RAPGEF5: variants seen among roughly 807,000 people sequenced by gnomAD.
The protein encoded by RAPGEF5 is Rap guanine nucleotide exchange factor 5, also known as M-Ras-regulated GEF.
In RAPGEF5, 65 loss-of-function variants were observed where a neutral mutation model predicts 125.2. The ratio of observed to expected loss-of-function variants is 0.52; its 90% CI spans 0.43 to 0.64. The LOEUF (loss-of-function observed/expected upper bound fraction) is 0.64. Among genes scored for constraint, RAPGEF5 ranks in the 30% least tolerant of loss-of-function variants. RAPGEF5 has a pLI of 0.00. For synonymous variants in RAPGEF5, 391 were observed against 385.9 expected (o/e 1.01, Z -0.16); for missense variants, 958 against 1,048.1 (o/e 0.91, Z 1.19).
At chr7:22,237,039 C>T (rs143810393) in intron 7 of RAPGEF5, among the ~76,000 whole-genome samples, 6 of 152,000 alleles carry the variant, frequency 3.9e-5, no homozygotes, top group Non-Finnish European at 7.4e-5. Flanking sequence ...TTGTCTCTAA[C>T]CTGGAATGCC....
rs184423834 is a variant in RAPGEF5 at position 22,214,676 on chromosome 7, G to A, written c.996+5190C>T. Among the ~76,000 whole-genome samples the A allele has an allele frequency of 3.3e-3, 501 of 152,078 alleles. 1 individual carries two copies. The highest frequency in any genetic ancestry group is 4.2e-3 in the Non-Finnish European group (285 of 67,994). ...CTGGGCAAGCACCTTTTCTTTTTCT[G>A]CATTCCCGCCCCCCAACCCCCATCC... On this transcript the variant is annotated intron_variant, in intron 9 of 25. Transcript: ENST00000665637.
At chr7:22,137,706 G>T (rs1199638570) in intron 21 of RAPGEF5, among the ~76,000 whole-genome samples, 1 of 152,170 alleles carries the variant, frequency 6.6e-6, no homozygotes, top group Admixed American at 6.5e-5. Context: ...TTCTAGCTAT[G>T]TGGTTTGGTG....
At position 22,118,971 on chromosome 7, in the gene RAPGEF5, T is replaced by C. The variant is rs1175169831; in HGVS notation, c.*3435A>G. 3 of 150,408 alleles carry C rather than the reference T, an allele frequency of 2.0e-5. No homozygotes were observed. The highest frequency in any genetic ancestry group is 7.4e-5 in the African/African-American group (3 of 40,800). 9.3% of individuals were successfully genotyped at this position (150,408 alleles called of 1,614,324 possible). ...AGGCTGAAATTTTAAGGACATGTTT[T>C]TGAAACATTTAAAAGAAATCCTGTG... is the stretch of plus-strand genomic sequence containing the variant. On this transcript the variant is annotated 3_prime_UTR_variant, in exon 26 of 26. Coordinates refer to ENST00000665637, the MANE Select transcript of RAPGEF5 (RefSeq NM_012294.5).
At chr7:22,279,251 A>C (rs994845921) in intron 6 of RAPGEF5, among the ~76,000 whole-genome samples, 13 of 152,186 alleles carry the variant, frequency 8.5e-5, no homozygotes, top group African/African-American at 3.1e-4. Flanking sequence ...TTTTAAGTAG[A>C]TTAAGTGTTA....
Position 22,150,647 on chromosome 7 carries a change from GT to G in RAPGEF5, c.1787-144del, listed in dbSNP as rs1454474356. On this transcript the variant is annotated intron_variant, in intron 17 of 25. Coordinates refer to ENST00000665637, the MANE Select transcript of RAPGEF5 (RefSeq NM_012294.5). Reference sequence around the variant, plus strand: ...ATAGAACTTAAAGTGGATTAATTAAGTTCTGCACACTCTATACAATGATACC... The same window carrying G: ...ATAGAACTTAAAGTGGATTAATTAAGTCTGCACACTCTATACAATGATACC... The G allele has an allele frequency of 2.0e-5, 24 of 1,199,150 alleles. No individual in the cohort carries two copies. The African/African-American group carries it at 3.4e-4, about 17-fold the overall frequency. 74.3% of individuals were successfully genotyped at this position (1,199,150 alleles called of 1,614,324 possible). A position where few individuals can be genotyped will look rare whatever the true frequency, so the allele number is the denominator to read the frequency against.
At chr7:22,166,791 C>T (rs2128114710) in intron 12 of RAPGEF5, among the ~76,000 whole-genome samples, 1 of 152,290 alleles carries the variant, frequency 6.6e-6, no homozygotes, top group South Asian at 2.1e-4. Context: ...CCAATTTTGC[C>T]TCCAGATTTC....
chr7:22,298,846 T>C (rs1322099285), intron 5 of RAPGEF5: 1 of 152,242 alleles, frequency 6.6e-6, no homozygotes, highest in Middle Eastern at 3.2e-3. Flanking sequence ...TTAATGTCTT[T>C]CAAAGAATGT....
chr7:22,173,044 A>C (rs1266021297), intron 11 of RAPGEF5, among the ~76,000 whole-genome samples: 4 of 152,206 alleles, frequency 2.6e-5, no homozygotes, highest in Non-Finnish European at 5.9e-5. Flanking sequence ...CTGTATTTCT[A>C]CTTCAGATGT....
intron 1 of RAPGEF5, among the ~76,000 whole-genome samples, chr7:22,354,099 C>A (rs929084156): frequency 3.3e-5 from 5 of 151,848 alleles, no homozygotes; most frequent in South Asian, 2.1e-4. Context: ...ACAACAACAA[C>A]AAAAAAAGCC....
At chr7:22,243,229 G>A (rs1474177279) in intron 7 of RAPGEF5, among the ~76,000 whole-genome samples, 2 of 152,050 alleles carry the variant, frequency 1.3e-5, no homozygotes, top group African/African-American at 4.8e-5. Flanking sequence ...AAATATATTT[G>A]GGGATAAAAA....
In RAPGEF5 at chr7:22,294,714, A is replaced by G. The variant is rs923242359; in HGVS notation, c.681-3473T>C. Among the ~76,000 whole-genome samples, 5 of 152,094 alleles carry G rather than the reference A, an allele frequency of 3.3e-5. No individual in the cohort carries two copies. The East Asian group carries it at 5.8e-4, about 18-fold the overall frequency. ...TGAAATCCTACTGGCTCTTCAAGACATATCTCTCACCTGACCACGTCTCAC... is the reference window on the plus strand; with the variant it reads ...TGAAATCCTACTGGCTCTTCAAGACGTATCTCTCACCTGACCACGTCTCAC... On this transcript the variant is annotated intron_variant, in intron 5 of 25. Transcript: ENST00000665637.
intron 11 of RAPGEF5, among the ~76,000 whole-genome samples, chr7:22,190,136 C>T (rs947393099): frequency 4.6e-5 from 7 of 152,204 alleles, no homozygotes; most frequent in Middle Eastern, 3.4e-3. Flanking sequence ...AAAAATTAGC[C>T]GGGCGTGGTG....
intron 1 of RAPGEF5, among the ~76,000 whole-genome samples, chr7:22,320,550 G>A (rs561462739): frequency 2.0e-5 from 3 of 152,140 alleles, no homozygotes; most frequent in African/African-American, 4.8e-5. Flanking sequence ...CAAGAGTACC[G>A]CAAAAGCACC....
rs1332933371 is a variant in RAPGEF5 at position 22,305,243 on chromosome 7, T to C, written c.680+3096A>G. 3.7e-4 allele frequency among the ~76,000 whole-genome samples: 56 copies of C among 152,184 alleles called. 3 individuals carry two copies. Among genetic ancestry groups the C allele is most frequent in the Admixed American group, 3.7e-3 (56 of 15,262 alleles). ...TTATAACATTCTTCTGAAAGTAAAA[T>C]AATGAATATAAAGCATTCAGCACAG... On this transcript the variant is annotated intron_variant, in intron 5 of 25. Transcript: ENST00000665637.
chr7:22,186,553 A>G (rs960054080), intron 11 of RAPGEF5, among the ~76,000 whole-genome samples: 4 of 152,206 alleles, frequency 2.6e-5, no homozygotes, highest in African/African-American at 7.2e-5. Flanking sequence ...ATTCCCTCCA[A>G]TAGAATATAA....
intron 7 of RAPGEF5, among the ~76,000 whole-genome samples, chr7:22,233,264 C>T (rs1384486859): frequency 6.6e-6 from 1 of 152,128 alleles, no homozygotes; most frequent in Admixed American, 6.5e-5. Context: ...TCTTGGAGGG[C>T]AAGCTGATCA....
intron 7 of RAPGEF5, among the ~76,000 whole-genome samples, chr7:22,264,818 T>C: frequency 6.6e-6 from 1 of 152,328 alleles, no homozygotes; most frequent in East Asian, 1.9e-4. Flanking sequence ...TTTTTATTAC[T>C]TCTCTACTTT....
intron 7 of RAPGEF5, among the ~76,000 whole-genome samples, chr7:22,260,309 G>A (rs754478077): frequency 1.3e-5 from 2 of 152,102 alleles, no homozygotes; most frequent in African/African-American, 2.4e-5. Flanking sequence ...TGGAGGTTCC[G>A]TTATTGTAAA....
chr7:22,225,534 A>T (rs1284927339), intron 8 of RAPGEF5, among the ~76,000 whole-genome samples: 1 of 152,228 alleles, frequency 6.6e-6, no homozygotes, highest in Non-Finnish European at 1.5e-5. Flanking sequence ...AGGCAGTGCT[A>T]TGCGGAAGCA....
Sources: allele counts gnomAD v4.1 joint callset (sites outside exome capture counted in the v4.1 genomes callset), GRCh38; gene constraint gnomAD v4.1.1; transcripts MANE v1.5; gene names NCBI Gene and HGNC (gene_info 2026-07-23, HGNC 2026-07-21).